Variants in DPP9 observed in about 807,000 individuals in gnomAD.
The protein encoded by DPP9 is dipeptidyl peptidase 9, also known as dipeptidyl peptidase IV-related protein-2.
Under a neutral mutation model 110.7 loss-of-function variants are expected in DPP9, and 50 were observed. The ratio of observed to expected loss-of-function variants is 0.45; its 90% CI spans 0.36 to 0.57. The LOEUF (loss-of-function observed/expected upper bound fraction) is 0.57. Ranked by LOEUF, DPP9 falls within the 20% of genes least tolerant of loss-of-function variation. The probability of loss-of-function intolerance (pLI) is 0.00; values close to 1 mark genes in which losing one functional copy is unlikely to be tolerated. For missense variants in DPP9, 1,022 were observed against 1,217.9 expected (o/e 0.84, Z 2.39); for synonymous variants, 561 against 514.4 (o/e 1.09, Z -1.23).
Position 4,703,872 on chromosome 19 carries a change from G to A in DPP9, c.769+14C>T. 2 of 1,592,914 alleles carry A rather than the reference G, an allele frequency of 1.3e-6. No individual in the cohort carries two copies. The highest frequency in any genetic ancestry group is 1.7e-6 in the Non-Finnish European group (2 of 1,170,422). On this transcript the variant is annotated intron_variant, in intron 7 of 21. Transcript: ENST00000262960. The stretch of plus-strand genomic sequence containing the variant: ...GTGGCTATGGTGGCCGTGCACAGGA[G>A]GGGCTGGCCCCACCTTGGTGGCAGA...
rs1408717771 is a variant in DPP9, at chr19:4,719,804, A to G, written c.56+47T>C. 5.2e-6 allele frequency: 8 copies of G among 1,549,004 alleles called. No homozygotes were observed. The Admixed American group carries it at 5.9e-5, about 11-fold the overall frequency. ...TCTTAGACTGTTGGGGAATTCCAGA[A>G]GCTGGGCCACATCCTCACGGATCAG... On this transcript the variant is annotated intron_variant, in intron 3 of 21. Transcript: ENST00000262960.
intron 16 of DPP9, among the ~76,000 whole-genome samples, chr19:4,686,203 C>T: frequency 6.6e-6 from 1 of 152,002 alleles, no homozygotes; most frequent in Admixed American, 6.6e-5. Flanking sequence ...ATTATCCTGC[C>T]TCAGCCTCCT....
rs1223447359 is a variant in DPP9, at chr19:4,675,480, C to G, written c.*1084G>C. 1.3e-5 allele frequency: 2 copies of G among 151,848 alleles called. No individual in the cohort carries two copies. The highest frequency in any genetic ancestry group is 4.8e-5 in the African/African-American group (2 of 41,298). The allele number at this position is 151,848 out of a possible 1,614,324, so 9.4% of individuals were successfully genotyped here. A position where few individuals can be genotyped will look rare whatever the true frequency, so the allele number is the denominator to read the frequency against. On this transcript the variant is annotated 3_prime_UTR_variant, in exon 22 of 22. Coordinates refer to ENST00000262960, the MANE Select transcript of DPP9 (RefSeq NM_139159.5). ...CCAACCCCGGAACCCCTGGTGTGTACGGGTCAGGCAGACACATGTGGCTGG... is the reference window on the plus strand; with the variant it reads ...CCAACCCCGGAACCCCTGGTGTGTAGGGGTCAGGCAGACACATGTGGCTGG...
At position 4,718,773 on chromosome 19, in the gene DPP9, T is replaced by C. The variant is rs1445122262; in HGVS notation, c.56+1078A>G. On this transcript the variant is annotated intron_variant, in intron 3 of 21. Transcript: ENST00000262960. The surrounding 1 kb of genome is among the most constrained non-coding windows in gnomAD (Gnocchi z 4.3). ...TTAGAGCCCATGGCTGGGCCAATCA[T>C]AGCCCTTCACACCGTCCCCGTCTTC... Among the ~76,000 whole-genome samples the C allele has an allele frequency of 6.6e-6, 1 of 152,228 alleles. No homozygotes were observed. Among genetic ancestry groups the C allele is most frequent in the Non-Finnish European group, 1.5e-5 (1 of 68,040 alleles).
At position 4,702,132 on chromosome 19, in the gene DPP9, G is replaced by C. The variant is rs2092298022; in HGVS notation, c.907C>G (p.Arg303Gly). 7 of 1,613,522 alleles carry C rather than the reference G, an allele frequency of 4.3e-6. No individual in the cohort carries two copies. Among genetic ancestry groups the C allele is most frequent in the Admixed American group, 1.7e-5 (1 of 59,956 alleles). ...TCATCGACTTCCTCATACAGGATTCGCAGCGTCTTGAGGCCCTCTGAACCT... is the reference window on the plus strand; with the variant it reads ...TCATCGACTTCCTCATACAGGATTCCCAGCGTCTTGAGGCCCTCTGAACCT... ...WEGSEGLKTL[R>G]ILYEEVDESE... Residue 303 changes from arginine to glycine, a missense_variant, in exon 9 of 22, where the codon CGA (arginine) becomes GGA (glycine). Around this residue, in one of 3 missense-constraint regions of DPP9, gnomAD observed 810 missense variants for 920.6 expected, o/e 0.88. Coordinates refer to ENST00000262960, the MANE Select transcript of DPP9 (RefSeq NM_139159.5).
chr19:4,684,719 C>T lies in DPP9; in HGVS notation c.2122G>A (p.Gly708Ser), dbSNP rs779275444. Residue 708 changes from glycine (G) to serine (S), a missense_variant, in exon 18 of 22, where the codon GGC becomes AGC. Gly to Ser is a moderately conservative substitution (Grantham distance 56). Around this residue, in one of 3 missense-constraint regions of DPP9, gnomAD observed 209 missense variants for 280.4 expected, o/e 0.75. Transcript: ENST00000262960. This position sits in a 1 kb window ranked among gnomAD's most constrained non-coding sequence, Gnocchi z 4.8. ...SLGYAVVVIDGRGSCQRGLRF... is the reference protein window; with the variant it reads ...SLGYAVVVIDSRGSCQRGLRF... ...AGCCCTCGCTGACAGGAGCCCCTGC[C>T]GTCAATCACAACCACGGCGTAGCCC... The T allele has an allele frequency of 2.1e-5, 34 of 1,611,872 alleles. No homozygotes were observed. In the Admixed American group the frequency reaches 2.7e-4, roughly 13 times the overall value.
At chr19:4,707,688 C>T (rs545400548) in intron 4 of DPP9, among the ~76,000 whole-genome samples, 4 of 144,824 alleles carry the variant, frequency 2.8e-5, no homozygotes, top group African/African-American at 7.8e-5. Flanking sequence ...TGCAGTGGCA[C>T]GATGTTGGCT....
rs527291736 is a variant in DPP9 at position 4,689,056 on chromosome 19, C to T, written c.1750-164G>A. 4.6e-5 allele frequency among the ~76,000 whole-genome samples: 7 copies of T among 150,922 alleles called. No homozygotes were observed. The highest frequency in any genetic ancestry group is 1.7e-4 in the African/African-American group (7 of 41,278). On this transcript the variant is annotated intron_variant, in intron 15 of 21. Coordinates refer to ENST00000262960, the MANE Select transcript of DPP9 (RefSeq NM_139159.5). This position sits in a 1 kb window ranked among gnomAD's most constrained non-coding sequence, Gnocchi z 7.0. ...CCACCCGCTGCTGCAAGGGGGGCAC[C>T]ACTGCCATCGCCCCATTCTGCAGAG...
At chr19:4,714,592 A>G (rs753039843) in intron 3 of DPP9, among the ~76,000 whole-genome samples, 49 of 152,006 alleles carry the variant, frequency 3.2e-4, no homozygotes, top group Admixed American at 1.4e-3. Flanking sequence ...GGTCTCAACT[A>G]TGTTCCCCAG....
rs1240291951 is a variant in DPP9, at chr19:4,704,045, T to C, written c.610A>G (p.Met204Val). 5.0e-6 allele frequency: 8 copies of C among 1,613,856 alleles called. No individual in the cohort carries two copies. The highest frequency in any genetic ancestry group is 4.5e-5 in the East Asian group (2 of 44,884). Residue 204 changes from methionine to valine, a missense_variant, in exon 7 of 22, where the codon ATG (methionine) becomes GTG (valine). By Grantham distance (21) the Met-to-Val change is conservative. Around this residue, in one of 3 missense-constraint regions of DPP9, gnomAD observed 810 missense variants for 920.6 expected, o/e 0.88. Coordinates refer to ENST00000262960, the MANE Select transcript of DPP9 (RefSeq NM_139159.5). The surrounding 1 kb of genome is among the most constrained non-coding windows in gnomAD (Gnocchi z 6.0). ...TGGGTCTTGATTTCCAGCGGTTTCA[T>C]AGGGGACACCTGAGGACAGAGACGC... ...GGKNGFMVSP[M>V]KPLEIKTQCS...
At chr19:4,713,993 T>A in intron 4 of DPP9, 88 bp downstream of exon 4, 1 of 1,459,904 alleles carries the variant, frequency 6.8e-7, no homozygotes, top group Non-Finnish European at 9.1e-7. Context: ...ATCTTCCAAC[T>A]CCTGTGGACC....
At chr19:4,706,479 G>A (rs941888657) in intron 4 of DPP9, among the ~76,000 whole-genome samples, 2 of 151,934 alleles carry the variant, frequency 1.3e-5, no homozygotes, top group African/African-American at 4.8e-5. Context: ...TTTTGCAGAC[G>A]ACAAGAATTT....
At chr19:4,705,736 G>GC in intron 5 of DPP9, 122 bp downstream of exon 5, 1 of 888,458 alleles carries the variant, frequency 1.1e-6, no homozygotes, top group Non-Finnish European at 1.8e-6. Context: ...ACAGGACGGA[G>GC]GGTTTGTGGG....
At chr19:4,714,392 G>A in intron 3 of DPP9, 55 bp from the exon 4 acceptor site, 2 of 1,448,374 alleles carry the variant, frequency 1.4e-6, no homozygotes, top group Non-Finnish European at 1.8e-6. Flanking sequence ...CCTACGAGCT[G>A]CCCCAATGCT....
In DPP9 at chr19:4,692,417, T is replaced by A. The variant is rs566296531; in HGVS notation, c.1517-1460A>T. On this transcript the variant is annotated intron_variant, in intron 13 of 21. Coordinates refer to ENST00000262960, the MANE Select transcript of DPP9 (RefSeq NM_139159.5). ...GTAGAGGTCTGGGTGTGGTTACTTG[T>A]GGCATCGGGGCCTGGGGAGGAGAGC... Among the ~76,000 whole-genome samples, 45 of 152,274 alleles carry A rather than the reference T, an allele frequency of 3.0e-4. No individual in the cohort carries two copies. The East Asian group carries it at 8.5e-3, about 29-fold the overall frequency.
rs540027595 is a variant in DPP9 at position 4,688,795 on chromosome 19, T to A, written c.1847A>T (p.Lys616Met). The change falls in exon 16 of 22, where the codon AAG (lysine) becomes ATG (methionine). Residue 616 changes from lysine to methionine, a missense_variant. Physicochemically the swap from Lys to Met is moderately conservative, Grantham distance 95. Transcript: ENST00000262960. The stretch of plus-strand genomic sequence containing the variant: ...CATGCTAGCCCAGAAGCGGGGCTGC[T>A]TGTGCAGGGGGTCGTCGTCGGGGCC... ...LSGPDDDPLH[K>M]QPRFWASMME... The A allele has an allele frequency of 6.8e-6, 10 of 1,475,960 alleles. No homozygotes were observed. The Admixed American group carries it at 2.6e-4, about 38-fold the overall frequency. The allele number at this position is 1,475,960 out of a possible 1,614,324, so 91.4% of individuals were successfully genotyped here. A position where few individuals can be genotyped will look rare whatever the true frequency, so the allele number is the denominator to read the frequency against.
intron 14 of DPP9, 130 bp downstream of exon 14, chr19:4,690,748 T>G: frequency 1.3e-6 from 1 of 745,658 alleles, no homozygotes; most frequent in Non-Finnish European, 2.3e-6. Flanking sequence ...TGTGTGTGCG[T>G]GTGTGTATGT....
rs1016341789 is a variant in DPP9 at position 4,700,716 on chromosome 19, G to A, written c.1013-439C>T. Among the ~76,000 whole-genome samples the A allele has an allele frequency of 1.3e-5, 2 of 152,196 alleles. No homozygotes were observed. Among genetic ancestry groups the A allele is most frequent in the East Asian group, 1.9e-4 (1 of 5,196 alleles). The stretch of plus-strand genomic sequence containing the variant: ...TGTCCCATGCAAAACCAGGGAGCCC[G>A]TGTGACAGCCAGACCTGCGCCCTCC... On this transcript the variant is annotated intron_variant, in intron 9 of 21. Transcript: ENST00000262960. The surrounding 1 kb of genome is among the most constrained non-coding windows in gnomAD (Gnocchi z 4.3).
At chr19:4,706,377 A>T (rs2092587797) in intron 4 of DPP9, among the ~76,000 whole-genome samples, 1 of 151,972 alleles carries the variant, frequency 6.6e-6, no homozygotes, top group Non-Finnish European at 1.5e-5. Context: ...AAGAAAAATA[A>T]ATCGCACACA....
Sources: gnomAD v4.1 joint callset for allele counts (sites outside exome capture counted in the v4.1 genomes callset) on GRCh38, gnomAD v4.1.1 for gene constraint, gnomAD v4.1.1 regional missense constraint, Gnocchi (gnomAD v3.1) non-coding constraint, MANE v1.5 for transcripts, NCBI Gene and HGNC (gene_info 2026-07-23, HGNC 2026-07-21) for gene names.